The following DNAH2 variants were observed in gnomAD, a reference collection of about 807,000 sequenced individuals.
The protein encoded by DNAH2 is axonemal beta dynein heavy chain 2.
A neutral mutation model predicts 523.5 loss-of-function variants in DNAH2; 323 were observed. That is an observed-to-expected ratio of 0.62 (90% CI 0.56 to 0.68). DNAH2 has a LOEUF of 0.68. DNAH2 is among the 30% of genes least tolerant of loss of function. The pLI is 0.00. For missense variants in DNAH2, 4,907 were observed against 5,701.5 expected (o/e 0.86, Z 4.49); for synonymous variants, 2,093 against 2,177.4 (o/e 0.96, Z 1.08).
At chr17:7,728,216 T>C (rs567597102) in intron 4 of DNAH2, among the ~76,000 whole-genome samples, 32 of 152,260 alleles carry the variant, frequency 2.1e-4, no homozygotes, top group Non-Finnish European at 3.8e-4. Context: ...GACAGATGGA[T>C]AGTAAAATGT....
intron 63 of DNAH2, 42 bp from the exon 64 acceptor site, chr17:7,816,529 G>T (rs1163449147): frequency 1.2e-6 from 2 of 1,608,732 alleles, no homozygotes; most frequent in Non-Finnish European, 1.7e-6. Flanking sequence ...CAATCTGGCT[G>T]CGAGCCCTGT....
intron 4 of DNAH2, among the ~76,000 whole-genome samples, chr17:7,728,706 T>C (rs1299993525): frequency 6.6e-6 from 1 of 152,148 alleles, no homozygotes; most frequent in East Asian, 1.9e-4. Context: ...TATAAAAAAG[T>C]ATCATATTTG....
Position 7,782,917 on chromosome 17 carries a change from G to A in DNAH2, c.6129+1750G>A, listed in dbSNP as rs111307049. Among the ~76,000 whole-genome samples the A allele has an allele frequency of 8.0e-3, 1,224 of 152,206 alleles. 8 individuals are homozygous for A. The highest frequency in any genetic ancestry group is 0.02 in the Middle Eastern group (6 of 294). ...CACAGGAACACATCGTGAAAAGGAC[G>A]ATGGGAAACAAAAGATTTGGTGCAA... On this transcript the variant is annotated intron_variant, in intron 39 of 85. Transcript: ENST00000572933.
At chr17:7,794,441 C>A in intron 49 of DNAH2, 83 bp downstream of exon 49, 2 of 1,285,716 alleles carry the variant, frequency 1.6e-6, no homozygotes, top group East Asian at 2.6e-5. Context: ...GGCCAGATCC[C>A]AGGGGGCTGC....
chr17:7,772,047 C>G (rs556403101), intron 28 of DNAH2, among the ~76,000 whole-genome samples: 5 of 152,204 alleles, frequency 3.3e-5, no homozygotes, highest in South Asian at 4.1e-4. Flanking sequence ...GATTAACTAG[C>G]CTTCAGCCAT....
intron 2 of DNAH2, among the ~76,000 whole-genome samples, chr17:7,720,903 C>G (rs190999681): frequency 1.3e-5 from 2 of 152,008 alleles, no homozygotes; most frequent in Admixed American, 6.6e-5. Context: ...TATGGAGAAT[C>G]CTCTGGGGAG....
intron 24 of DNAH2, among the ~76,000 whole-genome samples, chr17:7,768,847 G>A (rs376791193): frequency 1.1e-4 from 17 of 152,154 alleles, no homozygotes; most frequent in African/African-American, 3.6e-4. Flanking sequence ...TGTCCTCCAG[G>A]TTCTTCCATG....
chr17:7,777,334 C>A, intron 32 of DNAH2, 112 bp from the exon 33 acceptor site: 1 of 1,153,320 alleles, frequency 8.7e-7, no homozygotes, highest in Non-Finnish European at 1.3e-6. Flanking sequence ...CCAGGAGTTA[C>A]AGCAGGTGGG....
chr17:7,801,725 C>T lies in DNAH2; in HGVS notation c.8832+15C>T. 1 of 1,613,790 alleles carries T rather than the reference C, an allele frequency of 6.2e-7. No homozygotes were observed. The highest frequency in any genetic ancestry group is 8.5e-7 in the Non-Finnish European group (1 of 1,179,906). ...CTCAGGAGAATGTGAGCCCCTCCTC[C>T]CCACCTCTCATTGCATCCCTGGCCT... On this transcript the variant is annotated intron_variant, in intron 57 of 85. Coordinates refer to ENST00000572933, the MANE Select transcript of DNAH2 (RefSeq NM_020877.5).
intron 56 of DNAH2, among the ~76,000 whole-genome samples, chr17:7,799,539 G>A (rs1018953955): frequency 1.3e-5 from 2 of 152,170 alleles, no homozygotes; most frequent in East Asian, 1.9e-4. Flanking sequence ...CACACAGGCC[G>A]GGCATAGTGG....
rs200772795 is a variant in DNAH2 at position 7,831,055 on chromosome 17, A to G, written c.12231-31A>G. On this transcript the variant is annotated intron_variant, in intron 79 of 85. Transcript: ENST00000572933. This position sits in a 1 kb window ranked among gnomAD's most constrained non-coding sequence, Gnocchi z 4.2. ...TGGCATTGAGGGCTGAGTCCCCACAATGTGGCAGTAATTATGCTATGACTC... is the reference window on the plus strand; with the variant it reads ...TGGCATTGAGGGCTGAGTCCCCACAGTGTGGCAGTAATTATGCTATGACTC... 5.3e-4 allele frequency: 843 copies of G among 1,601,966 alleles called. 1 individual carries two copies. The highest frequency in any genetic ancestry group is 6.9e-4 in the Non-Finnish European group (811 of 1,174,002).
At chr17:7,727,320 G>T in intron 4 of DNAH2, 28 bp downstream of exon 4, 2 of 1,589,552 alleles carry the variant, frequency 1.3e-6, no homozygotes, top group Non-Finnish European at 1.7e-6. Context: ...CCAGATCAAA[G>T]GTGGTCCTAC....
At chr17:7,793,880 C>G (rs781193611) in intron 48 of DNAH2, among the ~76,000 whole-genome samples, 8 of 151,760 alleles carry the variant, frequency 5.3e-5, no homozygotes, top group African/African-American at 1.9e-4. Flanking sequence ...TGAGAGAGAA[C>G]ATACACACAC....
At chr17:7,801,773 C>T in intron 57 of DNAH2, 63 bp downstream of exon 57, 1 of 1,610,468 alleles carries the variant, frequency 6.2e-7, no homozygotes, top group Non-Finnish European at 8.5e-7. Flanking sequence ...CCTCTCATCT[C>T]TCATCGCACC....
rs146216391 is a variant in DNAH2, at chr17:7,789,763, A to G, written c.6900+1519A>G. Reference sequence around the variant, plus strand: ...AGCTAATTTTTTGTACTTTTAGTAGAGATGGGGTTTCACCTTGTTGGTCAA... The same window carrying G: ...AGCTAATTTTTTGTACTTTTAGTAGGGATGGGGTTTCACCTTGTTGGTCAA... On this transcript the variant is annotated intron_variant, in intron 44 of 85. Coordinates refer to ENST00000572933, the MANE Select transcript of DNAH2 (RefSeq NM_020877.5). Among the ~76,000 whole-genome samples, 686 of 152,176 alleles carry G rather than the reference A, an allele frequency of 4.5e-3. 1 individual carries two copies. The highest frequency in any genetic ancestry group is 9.1e-3 in the Admixed American group (139 of 15,282).
rs1213159354 is a variant in DNAH2, at chr17:7,759,813, A to C, written c.2660A>C (p.Gln887Pro). ...CAGGTGGAATTCTCACCCACTCTGCAGACTTTGGCAGGTGTGGTCAATGAC... is the reference window on the plus strand; with the variant it reads ...CAGGTGGAATTCTCACCCACTCTGCCGACTTTGGCAGGTGTGGTCAATGAC... ...VAQVEFSPTLQTLAGVVNDIG... is the reference protein window; with the variant it reads ...VAQVEFSPTLPTLAGVVNDIG... Residue 887 changes from glutamine (Q) to proline (P), a missense_variant, in exon 17 of 86, where the codon CAG becomes CCG. Physicochemically the swap from Gln to Pro is moderately conservative, Grantham distance 76. Around this residue, in one of 3 missense-constraint regions of DNAH2, gnomAD observed 2,806 missense variants for 3,190.8 expected, o/e 0.88. Transcript: ENST00000572933. 9.3e-6 allele frequency: 15 copies of C among 1,614,090 alleles called. No homozygotes were observed. The highest frequency in any genetic ancestry group is 1.1e-5 in the Non-Finnish European group (13 of 1,180,056).
Position 7,792,468 on chromosome 17 carries a change from C to T in DNAH2, c.7145+125C>T, listed in dbSNP as rs567326411. The T allele has an allele frequency of 2.1e-5, 24 of 1,124,412 alleles. No homozygotes were observed. In the South Asian group the frequency reaches 2.9e-4, roughly 14 times the overall value. The allele number at this position is 1,124,412 out of a possible 1,614,324, so 69.7% of individuals were successfully genotyped here. A position where few individuals can be genotyped will look rare whatever the true frequency, so the allele number is the denominator to read the frequency against. On this transcript the variant is annotated intron_variant, in intron 46 of 85. Transcript: ENST00000572933. ...GGAGAAGGTGGGTCCCAGAGAAGGG[C>T]TGCCTCTTGAGGACAGGAAGCGGGA...
At chr17:7,741,297 C>CTTTCTCTTTCTTT (rs1491588292) in intron 11 of DNAH2, among the ~76,000 whole-genome samples, 3 of 61,386 alleles carry the variant, frequency 4.9e-5, no homozygotes, top group African/African-American at 2.1e-4. Flanking sequence ...TTTCTTTCTT[C>CTTTCTCTTTCTTT]CTTCCTTCCC....
chr17:7,741,293 T>TCTCTCTTTCTTTCTTC (rs2075325876), intron 11 of DNAH2, among the ~76,000 whole-genome samples: 2 of 61,550 alleles, frequency 3.2e-5, no homozygotes, highest in African/African-American at 7.7e-5. Flanking sequence ...TTTCTTTCTT[T>TCTCTCTTTCTTTCTTC]CTTCCTTCCT....
Sources: allele counts gnomAD v4.1 joint callset (sites outside exome capture counted in the v4.1 genomes callset), GRCh38; gene constraint gnomAD v4.1.1; regional missense constraint gnomAD v4.1.1; non-coding constraint Gnocchi (gnomAD v3.1); transcripts MANE v1.5; gene names NCBI Gene and HGNC (gene_info 2026-07-23, HGNC 2026-07-21).